Variants in CNTFR observed in about 807,000 individuals in gnomAD.
The protein encoded by CNTFR is ciliary neurotrophic factor receptor subunit alpha.
Under a neutral mutation model 40.4 loss-of-function variants are expected in CNTFR, and 12 were observed. The ratio of observed to expected loss-of-function variants is 0.30; its 90% confidence interval spans 0.19 to 0.48. The LOEUF (loss-of-function observed/expected upper bound fraction) is 0.48. CNTFR is among the 20% of genes least tolerant of loss of function. The pLI, the probability that CNTFR is intolerant of heterozygous loss-of-function variation, is 0.99. For synonymous variants in CNTFR, 202 were observed against 209.6 expected, an observed-to-expected ratio of 0.96 and a Z score of 0.31; for missense variants, 414 against 506.8, an observed-to-expected ratio of 0.82 and a Z score of 1.76.
At chr9:34,574,954 T>G (rs1157523798) in intron 2 of CNTFR, among the ~76,000 whole-genome samples, 1 of 152,158 alleles carries the variant, frequency 6.6e-6, no homozygotes, top group African/African-American at 2.4e-5. Flanking sequence ...TGTGCCCACA[T>G]GTGGAGGCCC....
At chr9:34,586,656 C>T (rs953847194) in intron 1 of CNTFR, among the ~76,000 whole-genome samples, 3 of 152,138 alleles carry the variant, frequency 2.0e-5, no homozygotes, top group South Asian at 2.1e-4. Flanking sequence ...ACATGGCACA[C>T]GGAGAAATCT....
At chr9:34,572,587 G>A (rs1170110871) in intron 2 of CNTFR, among the ~76,000 whole-genome samples, 1 of 152,146 alleles carries the variant, frequency 6.6e-6, no homozygotes, top group Non-Finnish European at 1.5e-5. Context: ...ACCTCTCCCA[G>A]CACAGAACCC....
Position 34,551,606 on chromosome 9 carries a change from GA to G in CNTFR, c.*464del. 3.2e-6 allele frequency: 1 copy of G among 309,768 alleles called. No homozygotes were observed. Among genetic ancestry groups the G allele is most frequent in the Non-Finnish European group, 6.2e-6 (1 of 162,586 alleles). 19.2% of individuals were successfully genotyped at this position (309,768 alleles called of 1,614,324 possible). A position where few individuals can be genotyped will look rare whatever the true frequency, so the allele number is the denominator to read the frequency against. On this transcript the variant is annotated 3_prime_UTR_variant, in exon 10 of 10. Coordinates refer to ENST00000378980, the MANE Select transcript of CNTFR (RefSeq NM_147164.3). ...GGGGAGGGGTATACAAAACAGGGCAGAGGGGAGGGGACTGAAAATTGTGGGT... is the reference window on the plus strand; with the variant it reads ...GGGGAGGGGTATACAAAACAGGGCAGGGGGAGGGGACTGAAAATTGTGGGT...
intron 7 of CNTFR, among the ~76,000 whole-genome samples, chr9:34,553,138 T>C (rs891572062): frequency 1.4e-4 from 21 of 152,188 alleles, no homozygotes; most frequent in Admixed American, 1.1e-3. Context: ...GTCTTTGCCC[T>C]GTGCCTACAA....
chr9:34,581,737 G>C (rs2132253756), intron 1 of CNTFR, among the ~76,000 whole-genome samples: 1 of 152,274 alleles, frequency 6.6e-6, no homozygotes, highest in East Asian at 1.9e-4. Context: ...GATAACCAAG[G>C]AGATTGAGCT....
In CNTFR at chr9:34,567,972, G is replaced by C. The variant is rs1276767661; in HGVS notation, c.85+925C>G. ...CGGGTCTCACTGATGATCTCATAAA[G>C]AAGAGGCCATATAAGCCTCGACTCA... is the stretch of plus-strand genomic sequence containing the variant. On this transcript the variant is annotated intron_variant, in intron 3 of 9. Transcript: ENST00000378980. The C allele has an allele frequency of 4.6e-5, 7 of 152,304 alleles. No homozygotes were observed. In the East Asian group the frequency reaches 1.4e-3, roughly 29 times the overall value. 9.4% of individuals were successfully genotyped at this position (152,304 alleles called of 1,614,324 possible). A position where few individuals can be genotyped will look rare whatever the true frequency, so the allele number is the denominator to read the frequency against.
In CNTFR at chr9:34,552,246, C is replaced by T. The variant is rs1292275536; in HGVS notation, c.1033G>A (p.Gly345Arg). The T allele has an allele frequency of 3.3e-5, 52 of 1,555,458 alleles. No homozygotes were observed. Among genetic ancestry groups the T allele is most frequent in the Non-Finnish European group, 4.4e-5 (51 of 1,150,998 alleles). ...CDPGELGSGG[G>R]PSAPFLVSVP... ...CTGACCAAGAAGGGTGCCGAGGGTC[C>T]CCCGCCGCTGCCCAGCTCCCCAGGG... Residue 345 changes from glycine (G) to arginine (R), a missense_variant, in exon 9 of 10, where the codon GGA (glycine) becomes AGA (arginine). Physicochemically the swap from Gly to Arg is moderately radical, Grantham distance 125. Around this residue, in one of 3 missense-constraint regions of CNTFR, gnomAD observed 81 missense variants for 92.2 expected, o/e 0.88. Transcript: ENST00000378980. This position sits in a 1 kb window ranked among gnomAD's most constrained non-coding sequence, Gnocchi z 5.1.
chr9:34,580,242 C>T (rs982615059), intron 2 of CNTFR: 2 of 152,238 alleles, frequency 1.3e-5, no homozygotes, highest in Non-Finnish European at 2.9e-5. Flanking sequence ...GTAAATCCAT[C>T]TCCTAGCCCC....
intron 4 of CNTFR, among the ~76,000 whole-genome samples, chr9:34,561,165 C>T (rs1826057810): frequency 6.6e-6 from 1 of 152,172 alleles, no homozygotes; most frequent in Non-Finnish European, 1.5e-5. Flanking sequence ...AACTTCTGGA[C>T]TCCCAAATGC....
intron 2 of CNTFR, chr9:34,571,437 T>C (rs28572185): frequency 0.17 from 25,481 of 151,920 alleles, 3,888 homozygotes; most frequent in African/African-American, 0.41. Flanking sequence ...GCAGGCGGAG[T>C]GGCTGAGGTT....
At chr9:34,565,571 T>TG (rs1365341925) in intron 3 of CNTFR, among the ~76,000 whole-genome samples, 5 of 151,972 alleles carry the variant, frequency 3.3e-5, no homozygotes, top group Non-Finnish European at 5.9e-5. Context: ...GTTGGGGGCT[T>TG]GGGGGGTGCG....
At chr9:34,559,700 G>A (rs1420195238) in intron 4 of CNTFR, among the ~76,000 whole-genome samples, 2 of 152,080 alleles carry the variant, frequency 1.3e-5, no homozygotes, top group Non-Finnish European at 2.9e-5. Context: ...GCCACCCCAG[G>A]AGGAAAGGAC....
At chr9:34,586,139 G>A (rs1263975742) in intron 1 of CNTFR, among the ~76,000 whole-genome samples, 3 of 152,192 alleles carry the variant, frequency 2.0e-5, no homozygotes, top group African/African-American at 7.2e-5. Context: ...CATAGCAGCA[G>A]AGCACGCAAA....
In CNTFR at chr9:34,551,457, G is replaced by C. The variant is rs988029218; in HGVS notation, c.*614C>G. ...CTCATGAAATGGTGACGTTTAATGA[G>C]AACCGCCCACTCCCCCCACCCTGTA... On this transcript the variant is annotated 3_prime_UTR_variant, in exon 10 of 10. Coordinates refer to ENST00000378980, the MANE Select transcript of CNTFR (RefSeq NM_147164.3). The C allele has an allele frequency of 6.2e-6, 1 of 161,746 alleles. No individual in the cohort carries two copies. Among genetic ancestry groups the C allele is most frequent in the African/African-American group, 2.4e-5 (1 of 41,464 alleles). 10.0% of individuals were successfully genotyped at this position (161,746 alleles called of 1,614,324 possible).
intron 4 of CNTFR, among the ~76,000 whole-genome samples, chr9:34,563,953 G>GC (rs573315019): frequency 1.3e-5 from 2 of 152,218 alleles, no homozygotes; most frequent in African/African-American, 2.4e-5. Flanking sequence ...ATCATGATCT[G>GC]CCCCCCGTCC....
intron 4 of CNTFR, among the ~76,000 whole-genome samples, chr9:34,560,394 G>A (rs1328744017): frequency 3.9e-5 from 6 of 152,144 alleles, no homozygotes; most frequent in African/African-American, 1.2e-4. Flanking sequence ...GTGTTTGCAC[G>A]TGACTCAGGG....
At chr9:34,571,309 C>G (rs181657170) in intron 2 of CNTFR, 1 of 152,630 alleles carries the variant, frequency 6.6e-6, no homozygotes, top group Admixed American at 6.5e-5. Flanking sequence ...CACCCTCCCC[C>G]ACTGCCTCTG....
At chr9:34,577,512 T>C (rs1281517680) in intron 2 of CNTFR, among the ~76,000 whole-genome samples, 2 of 151,802 alleles carry the variant, frequency 1.3e-5, no homozygotes, top group African/African-American at 4.8e-5. Flanking sequence ...AGCTAGGAGG[T>C]GTGGACAAAT....
At chr9:34,554,981 G>C (rs948602110) in intron 7 of CNTFR, among the ~76,000 whole-genome samples, 2 of 152,234 alleles carry the variant, frequency 1.3e-5, no homozygotes, top group African/African-American at 4.8e-5. Flanking sequence ...TCAGTTTTGC[G>C]CATGGTCTCG....
Sources: gnomAD v4.1 joint callset for allele counts (sites outside exome capture counted in the v4.1 genomes callset) on GRCh38, gnomAD v4.1.1 for gene constraint, gnomAD v4.1.1 regional missense constraint, Gnocchi (gnomAD v3.1) non-coding constraint, MANE v1.5 for transcripts, NCBI Gene and HGNC (gene_info 2026-07-23, HGNC 2026-07-21) for gene names.